Variants in TREM1 observed in about 807,000 individuals in gnomAD.
TREM1 encodes triggering receptor expressed on myeloid cells 1.
TREM1 carries 16 observed loss-of-function variants against 22.4 expected under a neutral mutation model. The ratio of observed to expected loss-of-function variants is 0.71; its 90% CI spans 0.48 to 1.08. The LOEUF is 1.08. Ranked by LOEUF, TREM1 falls within the 50% of genes least tolerant of loss-of-function variation. The pLI, the probability that TREM1 is intolerant of heterozygous loss-of-function variation, is 0.00. For missense variants in TREM1, 283 were observed against 282.9 expected (o/e 1.00, Z 0.00); for synonymous variants, 110 against 111.6 (o/e 0.99, Z 0.09).
downstream of TREM1, among the ~76,000 whole-genome samples, chr6:41,271,521 T>A (rs117240013): frequency 1.3e-5 from 2 of 152,222 alleles, no homozygotes. Flanking sequence ...CCTGTCTTTT[T>A]GCTGTTATTT....
At chr6:41,285,133 C>A (rs1481777840) in intron 1 of TREM1, among the ~76,000 whole-genome samples, 1 of 152,178 alleles carries the variant, frequency 6.6e-6, no homozygotes, top group Non-Finnish European at 1.5e-5. Context: ...CTTTTATTTG[C>A]CAGCTCCCCA....
intron 1 of TREM1, among the ~76,000 whole-genome samples, chr6:41,285,871 C>T (rs754501126): frequency 6.6e-6 from 1 of 152,202 alleles, no homozygotes; most frequent in Non-Finnish European, 1.5e-5. Flanking sequence ...CAGGAGGATA[C>T]CTCTCCCTGA....
downstream of TREM1, among the ~76,000 whole-genome samples, chr6:41,273,014 C>A (rs551943661): frequency 1.9e-4 from 29 of 152,192 alleles, no homozygotes; most frequent in Non-Finnish European, 1.5e-4. Context: ...CTATTCCTCC[C>A]ACCCTTCTCC....
chr6:41,278,335 G>A (rs1767754315), intron 3 of TREM1, among the ~76,000 whole-genome samples: 1 of 152,062 alleles, frequency 6.6e-6, no homozygotes, highest in African/African-American at 2.4e-5. Flanking sequence ...TAGCGTCTCA[G>A]CTCTTCCATC....
intron 2 of TREM1, 176 bp from the exon 3 acceptor site, chr6:41,281,329 C>T (rs1434683137): frequency 5.4e-6 from 4 of 741,026 alleles, no homozygotes. Context: ...GCAAAGTTTT[C>T]CTTTGCTAAA....
At chr6:41,282,206 G>T in intron 2 of TREM1, 189 bp downstream of exon 2, 2 of 555,020 alleles carry the variant, frequency 3.6e-6, no homozygotes, top group Non-Finnish European at 6.4e-6. Context: ...CCAAAATTAG[G>T]CTGTGCTATC....
intron 1 of TREM1, 144 bp downstream of exon 1, chr6:41,286,463 A>G (rs939654059): frequency 1.3e-5 from 10 of 742,886 alleles, no homozygotes; most frequent in Admixed American, 7.5e-5. Flanking sequence ...TGTTCTCCCA[A>G]TTCTGGGTAG....
At position 41,282,621 on chromosome 6, in the gene TREM1, G is replaced by C. The variant is rs143365715; in HGVS notation, c.180C>G (p.Asp60Glu). Residue 60 changes from aspartate (D) to glutamate (E), a missense_variant, in exon 2 of 4, where the codon GAC becomes GAG. Coordinates refer to ENST00000244709, the MANE Select transcript of TREM1 (RefSeq NM_018643.5). Reference protein sequence around the residue: ...SSQKAWQIIRDGEMPKTLACT... With the variant: ...SSQKAWQIIREGEMPKTLACT... ...ATGCCAGGGTCTTGGGCATCTCTCC[G>C]TCCCTTATTATCTGCCAAGCTTTCT... 18 of 1,614,044 alleles carry C rather than the reference G, an allele frequency of 1.1e-5. No individual in the cohort carries two copies. Among genetic ancestry groups the C allele is most frequent in the Non-Finnish European group, 1.5e-5 (18 of 1,180,042 alleles).
Position 41,275,868 on chromosome 6 carries a change from A to G in TREM1, c.*257T>C, listed in dbSNP as rs1475354114. ...GCTGTCTGTATTTCATGCCAACCCCAAGTGGCTGGTGGAATGAAGGACCAA... is the reference window on the plus strand; with the variant it reads ...GCTGTCTGTATTTCATGCCAACCCCGAGTGGCTGGTGGAATGAAGGACCAA... On this transcript the variant is annotated 3_prime_UTR_variant, in exon 4 of 4. Transcript: ENST00000244709. 3 of 527,118 alleles carry G rather than the reference A, an allele frequency of 5.7e-6. No individual in the cohort carries two copies. The highest frequency in any genetic ancestry group is 1.0e-5 in the Non-Finnish European group (3 of 290,906). 32.7% of individuals were successfully genotyped at this position (527,118 alleles called of 1,614,324 possible).
In TREM1 at chr6:41,276,179, C is replaced by G; in HGVS notation, c.651G>C (p.Lys217Asn). 1 of 1,614,166 alleles carries G rather than the reference C, an allele frequency of 6.2e-7. No individual in the cohort carries two copies. The highest frequency in any genetic ancestry group is 8.5e-7 in the Non-Finnish European group (1 of 1,180,034). Residue 217 changes from lysine (K) to asparagine (N), a missense_variant, in exon 4 of 4, where the codon AAG becomes AAC. Physicochemically the swap from Lys to Asn is moderately conservative, Grantham distance 94 (BLOSUM62 0). Transcript: ENST00000244709. ...VILLAGGFLS[K>N]SLVFSVLFAV... ...CAAACAGGACAGAGAAGACCAGGCT[C>G]TTACTCAGGAATCCACCAGCCAGGA...
In TREM1 at chr6:41,280,636, T is replaced by A. The variant is rs966169199; in HGVS notation, c.599+325A>T. The A allele has an allele frequency of 1.4e-4, 192 of 1,363,116 alleles. No individual in the cohort carries two copies. The African/African-American group carries it at 2.3e-3, about 16-fold the overall frequency. 84.4% of individuals were successfully genotyped at this position (1,363,116 alleles called of 1,614,324 possible). On this transcript the variant is annotated intron_variant, in intron 3 of 3. Coordinates refer to ENST00000244709, the MANE Select transcript of TREM1 (RefSeq NM_018643.5). ...TAGATCCAGGGCCCCTCACTCAGAG[T>A]GCTTTCCCACTGCCCATCAGGCCCC... is the stretch of plus-strand genomic sequence containing the variant.
chr6:41,274,041 A>G lies in TREM1; in HGVS notation c.*2084T>C, dbSNP rs1767571735. Among the ~76,000 whole-genome samples, 1 of 152,176 alleles carries G rather than the reference A, an allele frequency of 6.6e-6. No homozygotes were observed. The highest frequency in any genetic ancestry group is 2.4e-5 in the African/African-American group (1 of 41,444). On this transcript the variant is annotated 3_prime_UTR_variant, in exon 4 of 4. Transcript: ENST00000244709. ...AAATGGGAGAGTATCCAGCACGGCC[A>G]TTTGTCTTCCGATTTAGTGCATATA...
intron 3 of TREM1, among the ~76,000 whole-genome samples, chr6:41,277,140 C>G (rs1767702965): frequency 6.6e-6 from 1 of 151,928 alleles, no homozygotes; most frequent in Non-Finnish European, 1.5e-5. Context: ...TAAAGCAAAG[C>G]AATTGATTTA....
At position 41,283,992 on chromosome 6, in the gene TREM1, G is replaced by T. The variant is rs1009715183; in HGVS notation, c.50-1241C>A. On this transcript the variant is annotated intron_variant, in intron 1 of 3. Coordinates refer to ENST00000244709, the MANE Select transcript of TREM1 (RefSeq NM_018643.5). ...GAAGGAAGAGGGGGATAGTGGAGGG[G>T]AGAGAAAGAAAGAGAGAAAAAAACC... 2.8e-4 allele frequency among the ~76,000 whole-genome samples: 42 copies of T among 152,036 alleles called. 1 individual carries two copies. Among genetic ancestry groups the T allele is most frequent in the African/African-American group, 1.0e-3 (42 of 41,368 alleles).
chr6:41,271,810 C>T (rs1396566797), downstream of TREM1, among the ~76,000 whole-genome samples: 1 of 152,196 alleles, frequency 6.6e-6, no homozygotes, highest in African/African-American at 2.4e-5. Context: ...GATCCCATTC[C>T]AGTCCATCCC....
Position 41,275,545 on chromosome 6 carries a change from CTT to C in TREM1, c.*578_*579del, listed in dbSNP as rs942035344. ...CCAGAAGAAGATACTCAGTTTAACT[CTT>C]TTCTCTGAGAAGGATGCACTTTCTC... is the stretch of plus-strand genomic sequence containing the variant. On this transcript the variant is annotated 3_prime_UTR_variant, in exon 4 of 4. Coordinates refer to ENST00000244709, the MANE Select transcript of TREM1 (RefSeq NM_018643.5). 1 of 152,974 alleles carries C rather than the reference CTT, an allele frequency of 6.5e-6. No individual in the cohort carries two copies. Among genetic ancestry groups the C allele is most frequent in the African/African-American group, 2.4e-5 (1 of 41,454 alleles). The allele number at this position is 152,974 out of a possible 1,614,324, so 9.5% of individuals were successfully genotyped here. A position where few individuals can be genotyped will look rare whatever the true frequency, so the allele number is the denominator to read the frequency against.
rs1345300631 is a variant in TREM1 at position 41,275,173 on chromosome 6, G to A, written c.*952C>T. 6.6e-6 allele frequency: 1 copy of A among 152,416 alleles called. No individual in the cohort carries two copies. The highest frequency in any genetic ancestry group is 2.4e-5 in the African/African-American group (1 of 41,398). 9.4% of individuals were successfully genotyped at this position (152,416 alleles called of 1,614,324 possible). On this transcript the variant is annotated 3_prime_UTR_variant, in exon 4 of 4. Coordinates refer to ENST00000244709, the MANE Select transcript of TREM1 (RefSeq NM_018643.5). ...TGAGAGAAGAGGAGGAGGGCAGAGT[G>A]GGGAACTAGGCAAGCACATGGGGAC...
At chr6:41,269,109 ATG>A (rs1051812649), downstream of TREM1, among the ~76,000 whole-genome samples, 31 of 152,314 alleles carry the variant, frequency 2.0e-4, no homozygotes, top group South Asian at 1.9e-3. Flanking sequence ...CTGCTAATTA[ATG>A]GAGGCCTCTC....
At chr6:41,267,886 A>C, downstream of TREM1, 4 of 398,450 alleles carry the variant, frequency 1.0e-5, no homozygotes, top group Non-Finnish European at 1.8e-5. Flanking sequence ...TAAAACAAAA[A>C]CACAGCATGT....
Sources: gnomAD v4.1 joint callset for allele counts (sites outside exome capture counted in the v4.1 genomes callset) on GRCh38, gnomAD v4.1.1 for gene constraint, MANE v1.5 for transcripts, NCBI Gene and HGNC (gene_info 2026-07-23, HGNC 2026-07-21) for gene names.